The following IFT80 variants were observed in gnomAD, a reference collection of about 807,000 sequenced individuals.
IFT80 encodes intraflagellar transport protein 80 homolog.
A neutral mutation model predicts 107.9 loss-of-function variants in IFT80; 79 were observed. The ratio of observed to expected loss-of-function variants is 0.73; its 90% CI spans 0.61 to 0.88. IFT80 has a LOEUF of 0.88. IFT80 is among the 40% of genes least tolerant of loss of function. The pLI is 0.00. For missense variants in IFT80, 797 were observed against 914.2 expected (o/e 0.87, Z 1.65); for synonymous variants, 299 against 300.9 (o/e 0.99, Z 0.07).
chr3:160,272,741 A>G (rs1713916744), intron 18 of IFT80, among the ~76,000 whole-genome samples: 1 of 152,168 alleles, frequency 6.6e-6, no homozygotes, highest in Non-Finnish European at 1.5e-5. Context: ...AGGATCTCTC[A>G]TGAACATTAA....
intron 3 of IFT80, among the ~76,000 whole-genome samples, chr3:160,378,057 T>G (rs912020598): frequency 1.3e-5 from 2 of 152,136 alleles, no homozygotes; most frequent in African/African-American, 4.8e-5. Flanking sequence ...CTTTAAAGTT[T>G]TACAGTGTTT....
At chr3:160,321,825 AT>A (rs1278881138) in intron 8 of IFT80, among the ~76,000 whole-genome samples, 6 of 151,442 alleles carry the variant, frequency 4.0e-5, no homozygotes, top group Non-Finnish European at 8.9e-5. Flanking sequence ...TTTTATTTTT[AT>A]TTTTTTATAT....
At chr3:160,361,394 A>T (rs891502109) in intron 6 of IFT80, among the ~76,000 whole-genome samples, 9 of 152,114 alleles carry the variant, frequency 5.9e-5, no homozygotes, top group African/African-American at 2.2e-4. Context: ...TAGAGACCTA[A>T]AAAGAAACTT....
At chr3:160,353,928 C>T (rs1187041657) in intron 8 of IFT80, among the ~76,000 whole-genome samples, 2 of 151,956 alleles carry the variant, frequency 1.3e-5, no homozygotes, top group East Asian at 1.9e-4. Flanking sequence ...CGAGGTAAAC[C>T]TTTAATATGT....
At chr3:160,315,368 G>C (rs1273345277) in intron 9 of IFT80, among the ~76,000 whole-genome samples, 2 of 152,144 alleles carry the variant, frequency 1.3e-5, no homozygotes, top group African/African-American at 4.8e-5. Flanking sequence ...TACATTGTTA[G>C]GGTGAAACTC....
At chr3:160,277,133 A>G (rs1342143079) in intron 18 of IFT80, among the ~76,000 whole-genome samples, 173 bp downstream of exon 18, 2 of 152,198 alleles carry the variant, frequency 1.3e-5, no homozygotes, top group Non-Finnish European at 2.9e-5. Context: ...TAATCAGTCA[A>G]AAGTTCAGAG....
At chr3:160,315,910 T>C (rs1388417110) in intron 9 of IFT80, among the ~76,000 whole-genome samples, 1 of 152,176 alleles carries the variant, frequency 6.6e-6, no homozygotes, top group African/African-American at 2.4e-5. Flanking sequence ...TTCTGAATCA[T>C]ATGTATAAGA....
chr3:160,327,341 G>A (rs892804378), intron 8 of IFT80, among the ~76,000 whole-genome samples: 8 of 151,972 alleles, frequency 5.3e-5, no homozygotes, highest in African/African-American at 1.9e-4. Context: ...AAATTCATAT[G>A]GAGCCAAAAA....
chr3:160,384,218 C>G (rs147630742), intron 2 of IFT80: 5,357 of 248,530 alleles, frequency 0.022, 332 homozygotes, highest in African/African-American at 0.12. Flanking sequence ...TGTACTCCAG[C>G]CTGGGTGACA....
intron 8 of IFT80, among the ~76,000 whole-genome samples, chr3:160,334,227 T>C (rs1471686693): frequency 6.6e-6 from 1 of 152,192 alleles, no homozygotes; most frequent in African/African-American, 2.4e-5. Context: ...CAGACTGTGC[T>C]TTCAGTGATA....
Position 160,285,798 on chromosome 3 carries a change from C to A in IFT80, c.1380+6G>T. 6.4e-7 allele frequency: 1 copy of A among 1,574,488 alleles called. No homozygotes were observed. Among genetic ancestry groups the A allele is most frequent in the East Asian group, 2.3e-5 (1 of 44,306 alleles). On this transcript the variant is annotated splice_donor_region_variant and intron_variant, in intron 13 of 19. Coordinates refer to ENST00000326448, the MANE Select transcript of IFT80 (RefSeq NM_020800.3). Reference sequence around the variant, plus strand: ...ATTTACATTAGAAGTAGTTAATGTCCATTACCTTATGAGAAAGAAACTTTC... The same window carrying A: ...ATTTACATTAGAAGTAGTTAATGTCAATTACCTTATGAGAAAGAAACTTTC...
intron 12 of IFT80, among the ~76,000 whole-genome samples, chr3:160,289,918 C>G (rs1046754679): frequency 2.0e-5 from 3 of 152,024 alleles, no homozygotes; most frequent in Admixed American, 2.0e-4. Flanking sequence ...GGTCCAAAAC[C>G]CCCTGGTGAA....
chr3:160,372,599 C>T (rs1440580026), intron 5 of IFT80, among the ~76,000 whole-genome samples: 4 of 152,032 alleles, frequency 2.6e-5, no homozygotes, highest in African/African-American at 9.7e-5. Flanking sequence ...AATTCTTAGT[C>T]CAGAAAAAGG....
At chr3:160,334,100 T>C (rs1003108553) in intron 8 of IFT80, among the ~76,000 whole-genome samples, 7 of 152,220 alleles carry the variant, frequency 4.6e-5, no homozygotes, top group African/African-American at 1.7e-4. Flanking sequence ...ATGTGGTACA[T>C]GATCGTATCA....
intron 5 of IFT80, among the ~76,000 whole-genome samples, chr3:160,366,513 C>T: frequency 6.6e-6 from 1 of 152,046 alleles, no homozygotes; most frequent in Admixed American, 6.6e-5. Context: ...CATGATTTAT[C>T]ATTTCCCATC....
intron 1 of IFT80, among the ~76,000 whole-genome samples, chr3:160,392,103 T>C (rs1337715228): frequency 6.6e-6 from 1 of 152,232 alleles, no homozygotes; most frequent in African/African-American, 2.4e-5. Context: ...TATGGAACTA[T>C]GTGGGATTTC....
chr3:160,338,677 T>C (rs1055298313), intron 8 of IFT80, among the ~76,000 whole-genome samples: 9 of 150,180 alleles, frequency 6.0e-5, no homozygotes, highest in African/African-American at 2.2e-4. Flanking sequence ...AGAACCCATG[T>C]GTGTATCTGG....
intron 8 of IFT80, among the ~76,000 whole-genome samples, chr3:160,324,099 T>C (rs1220723853): frequency 1.8e-4 from 27 of 152,152 alleles, no homozygotes; most frequent in Admixed American, 1.8e-3. Context: ...AATCTCTGAA[T>C]AGACCAGCAA....
chr3:160,278,493 C>A (rs987205046), intron 16 of IFT80, among the ~76,000 whole-genome samples: 1 of 152,162 alleles, frequency 6.6e-6, no homozygotes, highest in East Asian at 1.9e-4. Context: ...TGCAGTCCAC[C>A]ACTTTTCCCT....
Sources: gnomAD v4.1 joint callset for allele counts (sites outside exome capture counted in the v4.1 genomes callset) on GRCh38, gnomAD v4.1.1 for gene constraint, MANE v1.5 for transcripts, NCBI Gene and HGNC (gene_info 2026-07-23, HGNC 2026-07-21) for gene names.